The following LIMD1 variants were observed in gnomAD, a reference collection of about 807,000 sequenced individuals.
The protein encoded by LIMD1 is LIM domain containing 1.
A neutral mutation model predicts 58.4 loss-of-function variants in LIMD1; 23 were observed. That is an observed-to-expected ratio of 0.39 (90% confidence interval 0.28 to 0.56). The LOEUF is 0.56. Among genes scored for constraint, LIMD1 ranks in the 20% least tolerant of loss-of-function variants. LIMD1 has a pLI of 0.57. For missense variants in LIMD1, 838 were observed against 855.5 expected (o/e 0.98, Z 0.25); for synonymous variants, 334 against 345.5 (o/e 0.97, Z 0.37).
At position 45,683,310 on chromosome 3, in the gene LIMD1, C is replaced by A; in HGVS notation, c.*6251C>A. 1 of 152,230 alleles carries A rather than the reference C, an allele frequency of 6.6e-6. No homozygotes were observed. The highest frequency in any genetic ancestry group is 1.9e-4 in the East Asian group (1 of 5,202). The allele number at this position is 152,230 out of a possible 1,614,324, so 9.4% of individuals were successfully genotyped here. A position where few individuals can be genotyped will look rare whatever the true frequency, so the allele number is the denominator to read the frequency against. ...GCTTCCTAAGGCCAATTCAGGCTGA[C>A]TTCCTAGAACTAAGTCAAAAGGAAA... On this transcript the variant is annotated 3_prime_UTR_variant, in exon 8 of 8. Coordinates refer to ENST00000273317, the MANE Select transcript of LIMD1 (RefSeq NM_014240.3).
intron 1 of LIMD1, chr3:45,635,762 G>A (rs1272376735): frequency 1.5e-5 from 3 of 199,004 alleles, no homozygotes; most frequent in Non-Finnish European, 1.6e-5. Flanking sequence ...AAAAAAAAAG[G>A]GAGGAAAAAA....
At chr3:45,606,729 G>A (rs1006706763) in intron 1 of LIMD1, among the ~76,000 whole-genome samples, 1 of 152,346 alleles carries the variant, frequency 6.6e-6, no homozygotes, top group Admixed American at 6.5e-5. Flanking sequence ...TGAGCAAGAT[G>A]CCTTGTCTGG....
rs1347215768 is a variant in LIMD1 at position 45,596,776 on chromosome 3, C to CTG, written c.1408+499_1408+500dup. Among the ~76,000 whole-genome samples the CTG allele has an allele frequency of 7.3e-5, 11 of 151,202 alleles. No homozygotes were observed. The East Asian group carries it at 1.9e-3, about 27-fold the overall frequency. ...GCTCTTGACTGCCGTGTGTGTGTGT[C>CTG]TGTGTGTGTGTCTGTGTGTAGATGG... On this transcript the variant is annotated intron_variant, in intron 1 of 7. Transcript: ENST00000273317.
intron 1 of LIMD1, among the ~76,000 whole-genome samples, chr3:45,624,319 G>A (rs1242361799): frequency 1.3e-5 from 2 of 152,112 alleles, no homozygotes; most frequent in African/African-American, 4.8e-5. Context: ...CTTCTTCACT[G>A]AGAGGGAAGT....
intron 1 of LIMD1, among the ~76,000 whole-genome samples, chr3:45,600,435 T>A (rs556647942): frequency 6.6e-6 from 1 of 152,174 alleles, no homozygotes; most frequent in Non-Finnish European, 1.5e-5. Context: ...GCACTTTCCA[T>A]GGCTGGTCTT....
chr3:45,604,466 C>T (rs1701448156), intron 1 of LIMD1, among the ~76,000 whole-genome samples: 2 of 152,196 alleles, frequency 1.3e-5, no homozygotes, highest in Non-Finnish European at 2.9e-5. Context: ...GTCAATGATG[C>T]ATACGTGTCA....
chr3:45,656,089 T>G (rs1388445725), intron 2 of LIMD1, among the ~76,000 whole-genome samples: 1 of 152,172 alleles, frequency 6.6e-6, no homozygotes, highest in Admixed American at 6.5e-5. Context: ...GTTAGTTCCC[T>G]TTCCACCATG....
chr3:45,637,444 C>G (rs1701800302), intron 2 of LIMD1, among the ~76,000 whole-genome samples: 1 of 152,134 alleles, frequency 6.6e-6, no homozygotes, highest in African/African-American at 2.4e-5. Context: ...GCACGCCCAG[C>G]TAATTTTTGT....
intron 2 of LIMD1, among the ~76,000 whole-genome samples, chr3:45,643,458 C>T (rs1021346274): frequency 2.0e-5 from 3 of 151,250 alleles, no homozygotes; most frequent in African/African-American, 7.3e-5. Context: ...GTACTCCATC[C>T]TGGGCGACAG....
intron 2 of LIMD1, among the ~76,000 whole-genome samples, chr3:45,652,603 T>C (rs1701986457): frequency 6.6e-6 from 1 of 152,260 alleles, no homozygotes; most frequent in Non-Finnish European, 1.5e-5. Flanking sequence ...GTCTTGCTTT[T>C]ATGATTTATT....
At chr3:45,638,408 A>G (rs1355132942) in intron 2 of LIMD1, among the ~76,000 whole-genome samples, 1 of 152,250 alleles carries the variant, frequency 6.6e-6, no homozygotes, top group Non-Finnish European at 1.5e-5. Context: ...CAGTGAACAT[A>G]GTACCCAGTA....
chr3:45,642,649 A>C (rs1701855777), intron 2 of LIMD1, among the ~76,000 whole-genome samples: 1 of 152,186 alleles, frequency 6.6e-6, no homozygotes, highest in Admixed American at 6.5e-5. Flanking sequence ...ATCATGTCAT[A>C]GTTCATAATA....
At chr3:45,633,302 T>C (rs1701755140) in intron 1 of LIMD1, among the ~76,000 whole-genome samples, 1 of 152,198 alleles carries the variant, frequency 6.6e-6, no homozygotes, top group South Asian at 2.1e-4. Flanking sequence ...TTGGGGGTGT[T>C]GGAAATATTC....
chr3:45,652,900 T>C (rs941409626), intron 2 of LIMD1, among the ~76,000 whole-genome samples: 1 of 152,142 alleles, frequency 6.6e-6, no homozygotes, highest in Admixed American at 6.6e-5. Flanking sequence ...AATGGAAAAC[T>C]AACTATAAGA....
intron 1 of LIMD1, among the ~76,000 whole-genome samples, chr3:45,623,851 C>A (rs1012001158): frequency 2.6e-5 from 4 of 152,268 alleles, no homozygotes; most frequent in Non-Finnish European, 4.4e-5. Flanking sequence ...CAAAACGGGA[C>A]CCTGTCTCTG....
chr3:45,660,500 C>T (rs1192156102), intron 2 of LIMD1, among the ~76,000 whole-genome samples: 1 of 150,960 alleles, frequency 6.6e-6, no homozygotes, highest in Non-Finnish European at 1.5e-5. Flanking sequence ...CCTGCAGCCT[C>T]CGCCTCCCAG....
At chr3:45,652,848 T>A (rs1299948651) in intron 2 of LIMD1, among the ~76,000 whole-genome samples, 1 of 152,218 alleles carries the variant, frequency 6.6e-6, no homozygotes, top group Non-Finnish European at 1.5e-5. Flanking sequence ...GTGTGCAGTA[T>A]TCTCATCTCT....
At position 45,658,535 on chromosome 3, in the gene LIMD1, C is replaced by CTTTTTTTTTTTTTTTTTTTTT. The variant is rs10572210; in HGVS notation, c.1511-7103_1511-7083dup. On this transcript the variant is annotated intron_variant, in intron 2 of 7. Transcript: ENST00000273317. ...AACCATCCCCTCCACCATGCAGATT[C>CTTTTTTTTTTTTTTTTTTTTT]TTTTTTTTTTTTTTTTTTTTTTTTT... 1.6e-4 allele frequency among the ~76,000 whole-genome samples: 7 copies of CTTTTTTTTTTTTTTTTTTTTT among 44,754 alleles called. 1 individual carries two copies. Among genetic ancestry groups the CTTTTTTTTTTTTTTTTTTTTT allele is most frequent in the East Asian group, 1.3e-3 (1 of 758 alleles). The allele number at this position is 44,754 out of a possible 152,430, so 29.4% of individuals were successfully genotyped here.
chr3:45,652,527 T>G (rs1473203032), intron 2 of LIMD1, among the ~76,000 whole-genome samples: 2 of 152,222 alleles, frequency 1.3e-5, no homozygotes, highest in African/African-American at 4.8e-5. Flanking sequence ...TATTTTGTAT[T>G]CTTTCAATCT....
Sources: allele counts gnomAD v4.1 joint callset (sites outside exome capture counted in the v4.1 genomes callset), GRCh38; gene constraint gnomAD v4.1.1; transcripts MANE v1.5; gene names NCBI Gene and HGNC (gene_info 2026-07-23, HGNC 2026-07-21).